SF3B3: variants seen among roughly 807,000 people sequenced by gnomAD.
The protein encoded by SF3B3 is SAP 130.
SF3B3 carries 33 observed loss-of-function variants against 139.2 expected under a neutral mutation model. That is an observed-to-expected ratio of 0.24 (90% CI 0.18 to 0.32). The LOEUF (loss-of-function observed/expected upper bound fraction) is 0.32, where lower values mean the gene tolerates loss of function less well. SF3B3 is among the 10% of genes least tolerant of loss of function. The probability of loss-of-function intolerance (pLI) is 1.00; values close to 1 mark genes in which losing one functional copy is unlikely to be tolerated. For synonymous variants in SF3B3, 596 were observed against 563.6 expected, an observed-to-expected ratio of 1.06 and a Z score of -0.81; for missense variants, 818 against 1,509.4, an observed-to-expected ratio of 0.54 and a Z score of 7.59.
At chr16:70,545,119 C>T (rs1295244050) in intron 10 of SF3B3, among the ~76,000 whole-genome samples, 1 of 152,086 alleles carries the variant, frequency 6.6e-6, no homozygotes, top group Non-Finnish European at 1.5e-5. Flanking sequence ...TGCTGGAGTG[C>T]AGTGGCTCCA....
Position 70,571,102 on chromosome 16 carries a change from A to G in SF3B3, c.3416A>G (p.Asp1139Gly), listed in dbSNP as rs2050524808. The stretch of plus-strand genomic sequence containing the variant: ...TTTTGTTTCTTCTGCCAGGACCATG[A>G]CTTCTTCCAGCATGTGGAAATGCAC... ...LVPFTSHEDH[D>G]FFQHVEMHLR... is the part of the protein sequence containing the mutation. The change falls in exon 25 of 26, where the codon GAC becomes GGC. Residue 1139 changes from aspartate to glycine, a missense_variant. By Grantham distance (94) the Asp-to-Gly change is moderately conservative. Coordinates refer to ENST00000302516, the MANE Select transcript of SF3B3 (RefSeq NM_012426.5). 1 of 1,612,962 alleles carries G rather than the reference A, an allele frequency of 6.2e-7. No individual in the cohort carries two copies. Among genetic ancestry groups the G allele is most frequent in the Admixed American group, 1.7e-5 (1 of 59,940 alleles).
intron 10 of SF3B3, among the ~76,000 whole-genome samples, chr16:70,547,165 T>C (rs1365122022): frequency 6.6e-6 from 1 of 152,234 alleles, no homozygotes; most frequent in Non-Finnish European, 1.5e-5. Context: ...GTATAGACTA[T>C]AGCATAGTTG....
chr16:70,553,381 G>T (rs757010210), intron 11 of SF3B3, among the ~76,000 whole-genome samples: 5 of 152,160 alleles, frequency 3.3e-5, no homozygotes, highest in East Asian at 1.9e-4. Context: ...GTGGCATTGA[G>T]CTCTTGACAA....
At chr16:70,541,872 A>C in intron 9 of SF3B3, 38 bp downstream of exon 9, 1 of 1,556,474 alleles carries the variant, frequency 6.4e-7, no homozygotes, top group Non-Finnish European at 8.8e-7. Flanking sequence ...CAATAGATCT[A>C]AAGTTAAACT....
chr16:70,562,895 C>G (rs2050442650), intron 17 of SF3B3, among the ~76,000 whole-genome samples: 1 of 151,984 alleles, frequency 6.6e-6, no homozygotes, highest in African/African-American at 2.4e-5. Flanking sequence ...GTGGTGTGAT[C>G]ATGGCTCACT....
intron 8 of SF3B3, among the ~76,000 whole-genome samples, chr16:70,540,649 G>C (rs1476820748): frequency 6.6e-6 from 1 of 152,026 alleles, no homozygotes; most frequent in South Asian, 2.1e-4. Flanking sequence ...GAGATTACAG[G>C]CTTGAGCCAT....
At chr16:70,532,245 T>C (rs1414611916) in intron 4 of SF3B3, among the ~76,000 whole-genome samples, 1 of 150,262 alleles carries the variant, frequency 6.7e-6, no homozygotes, top group Non-Finnish European at 1.5e-5. Flanking sequence ...TGAGCTGAGA[T>C]CGTGCCATTG....
At chr16:70,553,537 A>C (rs2050349352) in intron 11 of SF3B3, among the ~76,000 whole-genome samples, 5 of 152,150 alleles carry the variant, frequency 3.3e-5, no homozygotes, top group African/African-American at 9.7e-5. Flanking sequence ...AATGTAAACT[A>C]GGAAAATCTC....
intron 15 of SF3B3, 24 bp downstream of exon 15, chr16:70,557,053 T>C (rs751932446): frequency 1.3e-6 from 2 of 1,583,970 alleles, no homozygotes; most frequent in Non-Finnish European, 8.6e-7. Context: ...AGGCCCACAT[T>C]GTGGACATTA....
chr16:70,541,870 CTAA>C, intron 9 of SF3B3, 36 bp downstream of exon 9: 1 of 1,570,946 alleles, frequency 6.4e-7, no homozygotes, highest in Non-Finnish European at 8.7e-7. Context: ...CACAATAGAT[CTAA>C]AGTTAAACTG....
intron 11 of SF3B3, among the ~76,000 whole-genome samples, chr16:70,551,919 G>A (rs1382250016): frequency 6.6e-6 from 1 of 152,182 alleles, no homozygotes; most frequent in Admixed American, 6.5e-5. Context: ...AGGGGTAGAA[G>A]TTACAATGTG....
In SF3B3 at chr16:70,575,962, A is replaced by G. The variant is rs1297271921; in HGVS notation, c.*4149A>G. On this transcript the variant is annotated 3_prime_UTR_variant, in exon 26 of 26. Coordinates refer to ENST00000302516, the MANE Select transcript of SF3B3 (RefSeq NM_012426.5). ...TTCACACGGTGGTTCATGCCTGGTAATCCCAGCACTTTGGGCGGCCAGAGG... is the reference window on the plus strand; with the variant it reads ...TTCACACGGTGGTTCATGCCTGGTAGTCCCAGCACTTTGGGCGGCCAGAGG... The G allele has an allele frequency of 6.6e-6, 1 of 152,186 alleles. No individual in the cohort carries two copies. The highest frequency in any genetic ancestry group is 1.5e-5 in the Non-Finnish European group (1 of 68,068). 9.4% of individuals were successfully genotyped at this position (152,186 alleles called of 1,614,324 possible). A position where few individuals can be genotyped will look rare whatever the true frequency, so the allele number is the denominator to read the frequency against.
chr16:70,560,368 A>T, intron 15 of SF3B3, 101 bp from the exon 16 acceptor site: 1 of 1,229,108 alleles, frequency 8.1e-7, no homozygotes, highest in Non-Finnish European at 1.1e-6. Flanking sequence ...ATTTCTTTCT[A>T]TCTGCTCTAA....
chr16:70,553,376 A>G (rs2050347200), intron 11 of SF3B3, among the ~76,000 whole-genome samples: 1 of 152,174 alleles, frequency 6.6e-6, no homozygotes, highest in African/African-American at 2.4e-5. Flanking sequence ...GCCCTGTGGC[A>G]TTGAGCTCTT....
chr16:70,569,201 A>G, intron 23 of SF3B3, 60 bp downstream of exon 23: 4 of 1,227,578 alleles, frequency 3.3e-6, no homozygotes, highest in Non-Finnish European at 4.7e-6. Flanking sequence ...TGTTGCCCTC[A>G]CTGAAGAAAT....
intron 2 of SF3B3, among the ~76,000 whole-genome samples, chr16:70,527,668 A>G (rs908782707): frequency 6.6e-6 from 1 of 152,242 alleles, no homozygotes; most frequent in African/African-American, 2.4e-5. Context: ...TTTGTGACTG[A>G]CTTCACTATG....
intron 16 of SF3B3, among the ~76,000 whole-genome samples, chr16:70,561,166 G>T (rs567546188): frequency 2.0e-5 from 3 of 152,036 alleles, no homozygotes; most frequent in Non-Finnish European, 4.4e-5. Flanking sequence ...GATTACAGGC[G>T]CATGCCACCA....
chr16:70,536,078 T>C (rs1008220670), intron 6 of SF3B3, among the ~76,000 whole-genome samples: 1 of 152,174 alleles, frequency 6.6e-6, no homozygotes, highest in Non-Finnish European at 1.5e-5. Context: ...ATGTATAGTT[T>C]ATATTCATAT....
intron 10 of SF3B3, among the ~76,000 whole-genome samples, chr16:70,546,151 G>T (rs1353832083): frequency 6.6e-6 from 1 of 152,066 alleles, no homozygotes; most frequent in East Asian, 1.9e-4. Flanking sequence ...ATTTATTTTT[G>T]GTAGAGACAG....
Sources: gnomAD v4.1 joint callset for allele counts (sites outside exome capture counted in the v4.1 genomes callset) on GRCh38, gnomAD v4.1.1 for gene constraint, MANE v1.5 for transcripts, NCBI Gene and HGNC (gene_info 2026-07-23, HGNC 2026-07-21) for gene names.